MYO3B: variants seen among roughly 807,000 people sequenced by gnomAD.
The protein encoded by MYO3B is myosin IIIB.
A neutral mutation model predicts 174.6 loss-of-function variants in MYO3B; 156 were observed. That is an observed-to-expected ratio of 0.89 (90% CI 0.78 to 1.02). The LOEUF (loss-of-function observed/expected upper bound fraction) is 1.02, where lower values mean the gene tolerates loss of function less well. Ranked by LOEUF, MYO3B falls within the 50% of genes least tolerant of loss-of-function variation. The pLI, the probability that MYO3B is intolerant of heterozygous loss-of-function variation, is 0.00. For synonymous variants in MYO3B, 563 were observed against 569.1 expected, an observed-to-expected ratio of 0.99 and a Z score of 0.15; for missense variants, 1,632 against 1,639.4, an observed-to-expected ratio of 1.00 and a Z score of 0.08.
At chr2:170,417,382 A>G (rs2094587580) in intron 22 of MYO3B, among the ~76,000 whole-genome samples, 1 of 152,240 alleles carries the variant, frequency 6.6e-6, no homozygotes, top group Admixed American at 6.5e-5. Context: ...AGCAGTGCCC[A>G]GTGCATAGAA....
chr2:170,416,587 T>C lies in MYO3B; in HGVS notation c.2650+8743T>C, dbSNP rs116973977. 1.8e-3 allele frequency among the ~76,000 whole-genome samples: 271 copies of C among 148,492 alleles called. 4 individuals are homozygous for C. Among genetic ancestry groups the C allele is most frequent in the East Asian group, 0.015 (74 of 5,026 alleles). ...TCATTCCTCTGTTTAAAGTTTCCAC[T>C]GGATCCTCATCACACCTAGAATAAA... On this transcript the variant is annotated intron_variant, in intron 22 of 34. Coordinates refer to ENST00000408978, the MANE Select transcript of MYO3B (RefSeq NM_138995.5).
chr2:170,277,534 A>G (rs1403523670), intron 7 of MYO3B, among the ~76,000 whole-genome samples: 2 of 152,226 alleles, frequency 1.3e-5, no homozygotes, highest in Non-Finnish European at 2.9e-5. Context: ...CACTGCTTTA[A>G]CAAATGAAAG....
At position 170,567,179 on chromosome 2, in the gene MYO3B, A is replaced by G. The variant is rs1692122807; in HGVS notation, c.3733+23191A>G. Among the ~76,000 whole-genome samples, 4 of 152,214 alleles carry G rather than the reference A, an allele frequency of 2.6e-5. No homozygotes were observed. In the South Asian group the frequency reaches 8.3e-4, roughly 32 times the overall value. ...ATTTCCTAAGAGCAAAAATTAAATAAGGCAGTAGAGGAAGAAGAGGAGCTG... is the reference window on the plus strand; with the variant it reads ...ATTTCCTAAGAGCAAAAATTAAATAGGGCAGTAGAGGAAGAAGAGGAGCTG... On this transcript the variant is annotated intron_variant, in intron 32 of 34. Transcript: ENST00000408978.
At chr2:170,556,078 C>A (rs1282110193) in intron 32 of MYO3B, among the ~76,000 whole-genome samples, 4 of 151,956 alleles carry the variant, frequency 2.6e-5, no homozygotes, top group African/African-American at 9.7e-5. Context: ...CGCCTGTAAT[C>A]CCAGCTACTC....
At chr2:170,397,405 C>A (rs2094447719) in intron 16 of MYO3B, among the ~76,000 whole-genome samples, 1 of 152,150 alleles carries the variant, frequency 6.6e-6, no homozygotes, top group South Asian at 2.1e-4. Context: ...AATCAAGTTA[C>A]CTGCCTGAGT....
chr2:170,183,574 A>T (rs1277640218), intron 1 of MYO3B, among the ~76,000 whole-genome samples: 1 of 152,160 alleles, frequency 6.6e-6, no homozygotes, highest in Non-Finnish European at 1.5e-5. Flanking sequence ...TCAATGAATC[A>T]ACTTAATTTT....
chr2:170,500,465 G>T (rs539553543), intron 27 of MYO3B, among the ~76,000 whole-genome samples: 1 of 152,272 alleles, frequency 6.6e-6, no homozygotes, highest in East Asian at 1.9e-4. Flanking sequence ...ATATCTTCTG[G>T]AGGAGTTTGC....
chr2:170,653,176 C>T lies in MYO3B; in HGVS notation c.*55C>T, dbSNP rs1405690049. The T allele has an allele frequency of 4.4e-6, 7 of 1,605,340 alleles. No homozygotes were observed. The highest frequency in any genetic ancestry group is 1.6e-4 in the Middle Eastern group (1 of 6,064). On this transcript the variant is annotated 3_prime_UTR_variant, in exon 35 of 35. Transcript: ENST00000408978. ...GAGTAGGAACATTCATGGTAATCGA[C>T]TGTCTGTCATTGCGTAAGAAAGCAC...
intron 28 of MYO3B, among the ~76,000 whole-genome samples, chr2:170,503,681 C>T (rs1687432811): frequency 6.6e-6 from 1 of 151,948 alleles, no homozygotes; most frequent in Non-Finnish European, 1.5e-5. Flanking sequence ...GCAAGCACCT[C>T]CCCTTTCTTA....
chr2:170,577,705 T>C (rs13426465), intron 32 of MYO3B, among the ~76,000 whole-genome samples: 2,004 of 152,254 alleles, frequency 0.013, 47 homozygotes, highest in African/African-American at 0.046. Flanking sequence ...AAATGAAATA[T>C]CTTAAATTTT....
At chr2:170,205,848 G>C (rs1360403389) in intron 3 of MYO3B, among the ~76,000 whole-genome samples, 4 of 151,508 alleles carry the variant, frequency 2.6e-5, no homozygotes, top group Admixed American at 1.3e-4. Flanking sequence ...TCTGTTAATA[G>C]TTTCCCTTTT....
chr2:170,499,813 A>G lies in MYO3B; in HGVS notation c.3289+5A>G. ...GAGCCATTGCCATCCAGTCAGGTAA[A>G]TGGTCCTGTTCTCATAAATACTGCC... On this transcript the variant is annotated splice_donor_5th_base_variant and intron_variant, in intron 27 of 34. Coordinates refer to ENST00000408978, the MANE Select transcript of MYO3B (RefSeq NM_138995.5). The G allele has an allele frequency of 2.5e-6, 4 of 1,613,584 alleles. No homozygotes were observed. Among genetic ancestry groups the G allele is most frequent in the Non-Finnish European group, 2.5e-6 (3 of 1,179,672 alleles).
intron 22 of MYO3B, among the ~76,000 whole-genome samples, chr2:170,411,442 T>C (rs55752995): frequency 6.6e-5 from 10 of 152,060 alleles, no homozygotes; most frequent in African/African-American, 2.2e-4. Flanking sequence ...TGTAGTTAAT[T>C]GTAAGACAAT....
intron 32 of MYO3B, among the ~76,000 whole-genome samples, chr2:170,648,243 C>T (rs1013351714): frequency 6.6e-6 from 1 of 152,176 alleles, no homozygotes; most frequent in Non-Finnish European, 1.5e-5. Context: ...GATTCCTGTG[C>T]TCTGCACAGT....
chr2:170,349,149 A>T (rs1339315692), intron 8 of MYO3B, among the ~76,000 whole-genome samples: 1 of 152,146 alleles, frequency 6.6e-6, no homozygotes, highest in Non-Finnish European at 1.5e-5. Flanking sequence ...ATGTAATACC[A>T]TTCTCTCCTC....
intron 25 of MYO3B, among the ~76,000 whole-genome samples, chr2:170,475,954 C>T (rs7607878): frequency 0.087 from 13,186 of 152,268 alleles, 1,572 homozygotes; most frequent in African/African-American, 0.27. Flanking sequence ...TAGGTAAGAA[C>T]AACCTTGACC....
chr2:170,448,163 A>T (rs539814413), intron 23 of MYO3B, among the ~76,000 whole-genome samples: 1 of 151,962 alleles, frequency 6.6e-6, no homozygotes, highest in Non-Finnish European at 1.5e-5. Context: ...CAGGAAGGGG[A>T]TTTGTTTTGG....
At chr2:170,567,705 A>G (rs1221350460) in intron 32 of MYO3B, among the ~76,000 whole-genome samples, 5 of 152,200 alleles carry the variant, frequency 3.3e-5, no homozygotes, top group Non-Finnish European at 2.9e-5. Flanking sequence ...AAAGTACAAC[A>G]CAGCAAGAGT....
At chr2:170,508,726 T>G (rs763225585) in intron 28 of MYO3B, among the ~76,000 whole-genome samples, 9 of 152,096 alleles carry the variant, frequency 5.9e-5, no homozygotes, top group Non-Finnish European at 1.0e-4. Flanking sequence ...TTGGAAAGAG[T>G]TGAAATACTG....
Sources: allele counts gnomAD v4.1 joint callset (sites outside exome capture counted in the v4.1 genomes callset), GRCh38; gene constraint gnomAD v4.1.1; transcripts MANE v1.5; gene names NCBI Gene and HGNC (gene_info 2026-07-23, HGNC 2026-07-21).